The following FOXJ3 variants were observed in gnomAD, a reference collection of about 807,000 sequenced individuals.
FOXJ3 encodes the protein forkhead box J3, also known as forkhead box protein J3.
FOXJ3 carries 22 observed loss-of-function variants against 76.1 expected under a neutral mutation model. The observed-to-expected ratio is 0.29, with a 90% CI of 0.21 to 0.41. The LOEUF (loss-of-function observed/expected upper bound fraction) is 0.41. Among genes scored for constraint, FOXJ3 ranks in the 10% least tolerant of loss-of-function variants. The pLI is 1.00. For synonymous variants in FOXJ3, 269 were observed against 261.2 expected, an observed-to-expected ratio of 1.03 and a Z score of -0.29; for missense variants, 613 against 762.1, an observed-to-expected ratio of 0.80 and a Z score of 2.30.
At chr1:42,262,359 A>G (rs1651109805) in intron 4 of FOXJ3, among the ~76,000 whole-genome samples, 1 of 152,176 alleles carries the variant, frequency 6.6e-6, no homozygotes, top group African/African-American at 2.4e-5. Flanking sequence ...TACTGGCCTT[A>G]GTTTCTTCTT....
intron 4 of FOXJ3, among the ~76,000 whole-genome samples, chr1:42,241,725 C>T (rs1649158640): frequency 6.6e-6 from 1 of 152,254 alleles, no homozygotes; most frequent in African/African-American, 2.4e-5. Context: ...ACTGCCATCA[C>T]CCATGCTGTC....
intron 2 of FOXJ3, among the ~76,000 whole-genome samples, chr1:42,310,302 T>A (rs1421210745): frequency 6.6e-6 from 1 of 151,866 alleles, no homozygotes. Flanking sequence ...CGTGCAAACA[T>A]GCCCAGCTAA....
chr1:42,207,711 A>G (rs1480916106), intron 5 of FOXJ3, among the ~76,000 whole-genome samples: 1 of 152,160 alleles, frequency 6.6e-6, no homozygotes, highest in Non-Finnish European at 1.5e-5. Flanking sequence ...TCTATCCTTT[A>G]ATCCCTCAGC....
chr1:42,306,726 G>A (rs747772351), intron 2 of FOXJ3, among the ~76,000 whole-genome samples: 1 of 152,128 alleles, frequency 6.6e-6, no homozygotes, highest in Non-Finnish European at 1.5e-5. Context: ...AATAGATTCA[G>A]ACTGCAAATA....
At chr1:42,245,255 G>A (rs1649462234) in intron 4 of FOXJ3, among the ~76,000 whole-genome samples, 1 of 149,880 alleles carries the variant, frequency 6.7e-6, no homozygotes, top group Admixed American at 6.7e-5. Context: ...AACTTATAAA[G>A]AACTAACCCA....
At chr1:42,296,671 T>C (rs1490621568) in intron 2 of FOXJ3, among the ~76,000 whole-genome samples, 1 of 152,260 alleles carries the variant, frequency 6.6e-6, no homozygotes, top group Non-Finnish European at 1.5e-5. Context: ...TCTCTATGCA[T>C]ATTTTTGTAC....
At chr1:42,310,611 CTAAT>C (rs1236934211) in intron 2 of FOXJ3, among the ~76,000 whole-genome samples, 7 of 151,600 alleles carry the variant, frequency 4.6e-5, no homozygotes, top group Non-Finnish European at 8.8e-5. Context: ...CCACACCTGG[CTAAT>C]TATTTTGTAT....
chr1:42,204,124 GCTCT>G (rs368767656), intron 6 of FOXJ3, among the ~76,000 whole-genome samples: 53 of 151,972 alleles, frequency 3.5e-4, no homozygotes, highest in African/African-American at 1.2e-3. Flanking sequence ...CTAGGCTACT[GCTCT>G]CTGTGTAGCC....
intron 4 of FOXJ3, among the ~76,000 whole-genome samples, chr1:42,263,183 A>T (rs548299426): frequency 1.3e-3 from 202 of 152,296 alleles, no homozygotes; most frequent in African/African-American, 4.6e-3. Flanking sequence ...GATGAACAAA[A>T]GCTTAAACTT....
At chr1:42,312,129 A>G (rs1416281699) in intron 1 of FOXJ3, among the ~76,000 whole-genome samples, 1 of 152,234 alleles carries the variant, frequency 6.6e-6, no homozygotes, top group Non-Finnish European at 1.5e-5. Flanking sequence ...AATTGTTGCT[A>G]GGCAGGAGTA....
intron 1 of FOXJ3, among the ~76,000 whole-genome samples, chr1:42,326,895 C>A (rs928111325): frequency 2.6e-5 from 4 of 152,076 alleles, no homozygotes; most frequent in Non-Finnish European, 5.9e-5. Context: ...GAGTAAGAAA[C>A]AAGGAGAATG....
intron 4 of FOXJ3, among the ~76,000 whole-genome samples, chr1:42,255,139 G>A (rs74665805): frequency 2.1e-3 from 313 of 152,222 alleles, no homozygotes; most frequent in African/African-American, 6.9e-3. Flanking sequence ...CGGGATTTAC[G>A]GTATAAGTAG....
chr1:42,261,284 T>C lies in FOXJ3; in HGVS notation c.444+3831A>G, dbSNP rs543011622. Reference sequence around the variant, plus strand: ...AAAGACGGGATTTAAAAAATGGAGATAGACTGCAGAATGTATAGACAGGGT... The same window carrying C: ...AAAGACGGGATTTAAAAAATGGAGACAGACTGCAGAATGTATAGACAGGGT... On this transcript the variant is annotated intron_variant, in intron 4 of 12. Coordinates refer to ENST00000361346, the MANE Select transcript of FOXJ3 (RefSeq NM_014947.5). 5.3e-5 allele frequency among the ~76,000 whole-genome samples: 8 copies of C among 150,376 alleles called. No individual in the cohort carries two copies. In the South Asian group the frequency reaches 1.0e-3, roughly 20 times the overall value.
chr1:42,222,511 G>A (rs1454723874), intron 5 of FOXJ3, among the ~76,000 whole-genome samples: 1 of 152,094 alleles, frequency 6.6e-6, no homozygotes, highest in Non-Finnish European at 1.5e-5. Context: ...TGAGGAGAGG[G>A]TATGACTGTC....
chr1:42,197,674 A>C (rs906131870), intron 7 of FOXJ3, among the ~76,000 whole-genome samples: 1 of 151,188 alleles, frequency 6.6e-6, no homozygotes, highest in Admixed American at 6.6e-5. Context: ...TTTTCTTTAA[A>C]AAAAAAAAAG....
intron 3 of FOXJ3, among the ~76,000 whole-genome samples, chr1:42,275,343 TAC>T (rs1023106678): frequency 6.6e-6 from 1 of 152,192 alleles, no homozygotes; most frequent in African/African-American, 2.4e-5. Context: ...TCTACATGTA[TAC>T]ACACACCCCA....
chr1:42,293,156 G>A (rs1653555571), intron 2 of FOXJ3, among the ~76,000 whole-genome samples: 1 of 152,116 alleles, frequency 6.6e-6, no homozygotes, highest in Non-Finnish European at 1.5e-5. Context: ...AGATTTCTCA[G>A]CTTGGACATA....
chr1:42,256,338 A>G (rs1444684912), intron 4 of FOXJ3, among the ~76,000 whole-genome samples: 1 of 152,254 alleles, frequency 6.6e-6, no homozygotes, highest in African/African-American at 2.4e-5. Context: ...CTAAGGAAAG[A>G]CTTGTATCCA....
Position 42,306,342 on chromosome 1 carries a change from A to AC in FOXJ3, c.44+4707dup, listed in dbSNP as rs1304123166. Reference sequence around the variant, plus strand: ...TTTTTGGAGACAGTCTCACTCTGTCACCCAGGCTGGAGTGCAGTGGCACAA... The same window carrying AC: ...TTTTTGGAGACAGTCTCACTCTGTCACCCCAGGCTGGAGTGCAGTGGCACAA... On this transcript the variant is annotated intron_variant, in intron 2 of 12. Coordinates refer to ENST00000361346, the MANE Select transcript of FOXJ3 (RefSeq NM_014947.5). Among the ~76,000 whole-genome samples, 8 of 118,278 alleles carry AC rather than the reference A, an allele frequency of 6.8e-5. 1 individual carries two copies. The Admixed American group carries it at 1.0e-3, about 15-fold the overall frequency. The allele number at this position is 118,278 out of a possible 152,430, so 77.6% of individuals were successfully genotyped here. A position where few individuals can be genotyped will look rare whatever the true frequency, so the allele number is the denominator to read the frequency against.
Sources: gnomAD v4.1 joint callset for allele counts (sites outside exome capture counted in the v4.1 genomes callset) on GRCh38, gnomAD v4.1.1 for gene constraint, MANE v1.5 for transcripts, NCBI Gene and HGNC (gene_info 2026-07-23, HGNC 2026-07-21) for gene names.